ADAMTS6: variants seen among roughly 807,000 people sequenced by gnomAD.
The protein encoded by ADAMTS6 is A disintegrin and metalloproteinase with thrombospondin motifs 6.
Under a neutral mutation model 144.3 loss-of-function variants are expected in ADAMTS6, and 23 were observed. The ratio of observed to expected loss-of-function variants is 0.16; its 90% CI spans 0.11 to 0.23. The LOEUF is 0.23. Among genes scored for constraint, ADAMTS6 ranks in the 10% least tolerant of loss-of-function variants. The probability of loss-of-function intolerance (pLI) is 1.00; values close to 1 mark genes in which losing one functional copy is unlikely to be tolerated. For synonymous variants in ADAMTS6, 444 were observed against 457.5 expected, an observed-to-expected ratio of 0.97 and a Z score of 0.38; for missense variants, 999 against 1,379.6, an observed-to-expected ratio of 0.72 and a Z score of 4.37.
rs146039008 is a variant in ADAMTS6 at position 65,237,065 on chromosome 5, G to T, written c.1933+5039C>A. 2.1e-3 allele frequency among the ~76,000 whole-genome samples: 325 copies of T among 151,944 alleles called. 2 individuals are homozygous for T. Among genetic ancestry groups the T allele is most frequent in the African/African-American group, 7.4e-3 (309 of 41,486 alleles). On this transcript the variant is annotated intron_variant, in intron 15 of 24. Transcript: ENST00000381055. ...TTATGTCAATAAACTGGACCACATG[G>T]ATATAACATAAATTTCTTAAAGACA...
chr5:65,374,799 C>T (rs192691260), intron 7 of ADAMTS6, among the ~76,000 whole-genome samples: 1 of 152,304 alleles, frequency 6.6e-6, no homozygotes, highest in East Asian at 1.9e-4. Context: ...CCTGCATCGC[C>T]ATGTCAATCC....
At chr5:65,452,610 A>G in intron 5 of ADAMTS6, 97 bp downstream of exon 5, 1 of 1,329,882 alleles carries the variant, frequency 7.5e-7, no homozygotes, top group African/African-American at 1.5e-5. Flanking sequence ...AGACAGGTAA[A>G]TTCTTATCAT....
intron 20 of ADAMTS6, among the ~76,000 whole-genome samples, chr5:65,205,028 C>T (rs1014520546): frequency 6.6e-6 from 1 of 151,868 alleles, no homozygotes; most frequent in African/African-American, 2.4e-5. Context: ...TTGGTAACTC[C>T]TAAGTGAAAG....
intron 7 of ADAMTS6, among the ~76,000 whole-genome samples, chr5:65,406,645 G>A (rs1016538435): frequency 3.9e-5 from 6 of 152,074 alleles, no homozygotes; most frequent in Non-Finnish European, 8.8e-5. Flanking sequence ...TTGGTATCAC[G>A]ATGATACTGG....
At chr5:65,396,895 G>C (rs1432061457) in intron 7 of ADAMTS6, among the ~76,000 whole-genome samples, 1 of 152,204 alleles carries the variant, frequency 6.6e-6, no homozygotes, top group Non-Finnish European at 1.5e-5. Context: ...TATCTTCTGA[G>C]AGATTGTAGA....
At chr5:65,370,083 A>G (rs1750706393) in intron 7 of ADAMTS6, among the ~76,000 whole-genome samples, 1 of 152,196 alleles carries the variant, frequency 6.6e-6, no homozygotes. Context: ...TTTTAAGGTC[A>G]GTGAACCTCA....
chr5:65,186,698 G>A (rs7708235), intron 22 of ADAMTS6, among the ~76,000 whole-genome samples: 114,749 of 152,086 alleles, frequency 0.75, 43,813 homozygotes, highest in African/African-American at 0.86. Flanking sequence ...TGTTTTCCAT[G>A]ACCACTGACA....
chr5:65,231,281 G>C (rs1458766658), intron 15 of ADAMTS6, among the ~76,000 whole-genome samples: 1 of 151,858 alleles, frequency 6.6e-6, no homozygotes, highest in Admixed American at 6.6e-5. Context: ...ACTGTAATAA[G>C]AGACAAAGAA....
intron 22 of ADAMTS6, among the ~76,000 whole-genome samples, chr5:65,181,855 T>C (rs925480707): frequency 6.6e-6 from 1 of 152,332 alleles, no homozygotes; most frequent in East Asian, 1.9e-4. Context: ...GAAGCATTCA[T>C]TGAAAAATGC....
At chr5:65,290,608 T>A (rs1057364334) in intron 11 of ADAMTS6, among the ~76,000 whole-genome samples, 1 of 152,148 alleles carries the variant, frequency 6.6e-6, no homozygotes, top group Admixed American at 6.5e-5. Flanking sequence ...AAATCTGAAT[T>A]TTTTTGGTAA....
intron 7 of ADAMTS6, among the ~76,000 whole-genome samples, chr5:65,430,525 C>T (rs544930521): frequency 6.6e-6 from 1 of 152,268 alleles, no homozygotes; most frequent in African/African-American, 2.4e-5. Context: ...GATGGTCTCA[C>T]AGACAAGACC....
intron 9 of ADAMTS6, among the ~76,000 whole-genome samples, chr5:65,321,487 ACTGT>A (rs1745606514): frequency 6.6e-6 from 1 of 151,572 alleles, no homozygotes; most frequent in Non-Finnish European, 1.5e-5. Flanking sequence ...CATTCTGTAC[ACTGT>A]CTGTTTGCTC....
intron 21 of ADAMTS6, among the ~76,000 whole-genome samples, chr5:65,192,238 C>A (rs981854999): frequency 6.6e-6 from 1 of 151,946 alleles, no homozygotes; most frequent in East Asian, 1.9e-4. Context: ...GCTTATAACT[C>A]TCTTATTGTA....
intron 12 of ADAMTS6, among the ~76,000 whole-genome samples, chr5:65,269,790 C>CCTTTTT (rs1561355788): frequency 3.8e-5 from 5 of 133,214 alleles, no homozygotes; most frequent in Non-Finnish European, 6.5e-5. Context: ...AGTGTAAGTA[C>CCTTTTT]TTTTTTTTTT....
intron 21 of ADAMTS6, among the ~76,000 whole-genome samples, chr5:65,190,804 A>C (rs1754971233): frequency 6.6e-6 from 1 of 152,144 alleles, no homozygotes; most frequent in African/African-American, 2.4e-5. Flanking sequence ...CTTCACACTC[A>C]GTCCCTGTTG....
chr5:65,301,334 CAT>C (rs1260225365), intron 9 of ADAMTS6, among the ~76,000 whole-genome samples: 1 of 152,038 alleles, frequency 6.6e-6, no homozygotes, highest in Non-Finnish European at 1.5e-5. Flanking sequence ...TCTGTTACGA[CAT>C]ATATTCTAAT....
At position 65,420,622 on chromosome 5, in the gene ADAMTS6, C is replaced by A. The variant is rs537668304; in HGVS notation, c.1073+30853G>T. Among the ~76,000 whole-genome samples, 5 of 151,976 alleles carry A rather than the reference C, an allele frequency of 3.3e-5. No homozygotes were observed. The South Asian group carries it at 1.0e-3, about 32-fold the overall frequency. On this transcript the variant is annotated intron_variant, in intron 7 of 24. Coordinates refer to ENST00000381055, the MANE Select transcript of ADAMTS6 (RefSeq NM_197941.4). Reference sequence around the variant, plus strand: ...TCTGAAACTCCCAACCTCAGGTGATCCATCTGCCTTGGCCTCCCAAAGTGC... The same window carrying A: ...TCTGAAACTCCCAACCTCAGGTGATACATCTGCCTTGGCCTCCCAAAGTGC...
At chr5:65,472,507 A>G (rs1580790703) in intron 2 of ADAMTS6, among the ~76,000 whole-genome samples, 1 of 152,320 alleles carries the variant, frequency 6.6e-6, no homozygotes, top group East Asian at 1.9e-4. Flanking sequence ...GTAATATCTC[A>G]ATAAAGCTAT....
At chr5:65,219,799 T>C (rs749849472) in intron 18 of ADAMTS6, among the ~76,000 whole-genome samples, 6 of 152,228 alleles carry the variant, frequency 3.9e-5, no homozygotes, top group Non-Finnish European at 8.8e-5. Flanking sequence ...TAAATGTCTA[T>C]ACACCTAAAA....
Sources: allele counts gnomAD v4.1 joint callset (sites outside exome capture counted in the v4.1 genomes callset), GRCh38; gene constraint gnomAD v4.1.1; transcripts MANE v1.5; gene names NCBI Gene and HGNC (gene_info 2026-07-23, HGNC 2026-07-21).